Variants in SETX observed in about 807,000 individuals in gnomAD.
The protein encoded by SETX is senataxin.
SETX carries 90 observed loss-of-function variants against 227.2 expected under a neutral mutation model. The ratio of observed to expected loss-of-function variants is 0.40; its 90% confidence interval spans 0.33 to 0.47. SETX has a LOEUF of 0.47. SETX is among the 20% of genes least tolerant of loss of function. The pLI is 0.91. For synonymous variants in SETX, 1,210 were observed against 1,113.2 expected (o/e 1.09, Z -1.73); for missense variants, 3,052 against 3,181.5 (o/e 0.96, Z 0.98).
At chr9:132,311,269 A>AT (rs902719479) in intron 11 of SETX, among the ~76,000 whole-genome samples, 6 of 151,152 alleles carry the variant, frequency 4.0e-5, no homozygotes, top group African/African-American at 9.7e-5. Flanking sequence ...ACCCAGCCTC[A>AT]TTTTTTTTTA....
rs1267023329 is a variant in SETX at position 132,334,747 on chromosome 9, T to G, written c.719-20A>C. The G allele has an allele frequency of 1.2e-6, 2 of 1,613,444 alleles. No individual in the cohort carries two copies. The highest frequency in any genetic ancestry group is 2.7e-5 in the African/African-American group (2 of 75,054). On this transcript the variant is annotated intron_variant, in intron 6 of 25. Coordinates refer to ENST00000224140, the MANE Select transcript of SETX (RefSeq NM_015046.7). ...AAATACCTGTAAGATCATTTAGAGT[T>G]ATCTTGAATTGATGAAATAATACTA...
At chr9:132,334,750 C>T in intron 6 of SETX, 23 bp from the exon 7 acceptor site, 1 of 1,613,118 alleles carries the variant, frequency 6.2e-7, no homozygotes, top group African/African-American at 1.3e-5. Flanking sequence ...TTAGAGTTAT[C>T]TTGAATTGAT....
rs111548647 is a variant in SETX at position 132,306,290 on chromosome 9, G to A, written c.5374+5467C>T. On this transcript the variant is annotated intron_variant, in intron 11 of 25. Coordinates refer to ENST00000224140, the MANE Select transcript of SETX (RefSeq NM_015046.7). ...TGCAATGGCGCAATCTCGGTTCACT[G>A]CAACCTCTGCCTCTTGCGTTCAAGC... Among the ~76,000 whole-genome samples the A allele has an allele frequency of 2.8e-3, 427 of 152,242 alleles. 4 individuals carry two copies. The highest frequency in any genetic ancestry group is 0.01 in the African/African-American group (418 of 41,530).
upstream of SETX, among the ~76,000 whole-genome samples, chr9:132,356,614 T>TA (rs1231490134): frequency 2.6e-5 from 4 of 152,100 alleles, no homozygotes; most frequent in South Asian, 4.2e-4. Flanking sequence ...ACTCAGGCGA[T>TA]AAAAAAAGAG....
rs769964668 is a variant in SETX at position 132,326,891 on chromosome 9, A to G, written c.4707T>C (p.Ser1569=). 1.9e-5 allele frequency: 30 copies of G among 1,614,084 alleles called. No individual in the cohort carries two copies. The highest frequency in any genetic ancestry group is 1.8e-5 in the Non-Finnish European group (21 of 1,180,054). ...KNQGEYCPKH[S]EVKAADEDVF... ...CATCTTCATCTGCTGCTTTCACTTCAGAGTGTTTTGGGCAGTATTCACCCT... is the reference window on the plus strand; with the variant it reads ...CATCTTCATCTGCTGCTTTCACTTCGGAGTGTTTTGGGCAGTATTCACCCT... The change falls in exon 10 of 26, where the codon TCT becomes TCC. Residue 1569 remains serine (S), a synonymous_variant. Transcript: ENST00000224140.
At chr9:132,354,674 G>A (rs545876860) in intron 1 of SETX, among the ~76,000 whole-genome samples, 116 of 152,098 alleles carry the variant, frequency 7.6e-4, no homozygotes, top group Non-Finnish European at 2.8e-4. Flanking sequence ...GTAGACAACG[G>A]AAGGACAGGG....
intron 15 of SETX, among the ~76,000 whole-genome samples, chr9:132,293,962 T>C (rs1398383695): frequency 1.3e-5 from 2 of 152,056 alleles, no homozygotes; most frequent in African/African-American, 2.4e-5. Flanking sequence ...AGGCGGAGCT[T>C]GCAGTGAGCC....
chr9:132,344,825 A>G (rs1162752636), intron 4 of SETX, among the ~76,000 whole-genome samples: 1 of 150,572 alleles, frequency 6.6e-6, no homozygotes, highest in Admixed American at 6.7e-5. Flanking sequence ...CAGTGAGCCA[A>G]GATCCTGCCA....
chr9:132,309,155 A>G (rs910671576), intron 11 of SETX, among the ~76,000 whole-genome samples: 5 of 152,126 alleles, frequency 3.3e-5, no homozygotes, highest in Admixed American at 2.6e-4. Context: ...AGAACAAACA[A>G]AACAAAACAA....
chr9:132,306,703 T>TTTTA (rs1021703179), intron 11 of SETX, among the ~76,000 whole-genome samples: 47 of 152,230 alleles, frequency 3.1e-4, no homozygotes, highest in African/African-American at 8.4e-4. Flanking sequence ...GTTCTATCAG[T>TTTTA]TTTATTTATT....
chr9:132,293,811 A>G (rs576499393), intron 15 of SETX, among the ~76,000 whole-genome samples: 1 of 152,160 alleles, frequency 6.6e-6, no homozygotes, highest in Non-Finnish European at 1.5e-5. Flanking sequence ...TCACGAGGTC[A>G]GGAGATCGAG....
At chr9:132,342,191 T>C (rs1251499434) in intron 5 of SETX, among the ~76,000 whole-genome samples, 5 of 152,200 alleles carry the variant, frequency 3.3e-5, no homozygotes, top group Non-Finnish European at 7.3e-5. Context: ...ATCTCAAACC[T>C]TAGCCAAAGG....
chr9:132,300,834 T>A, intron 11 of SETX, 31 bp from the exon 12 acceptor site: 2 of 1,573,154 alleles, frequency 1.3e-6, no homozygotes, highest in Non-Finnish European at 1.7e-6. Context: ...GGAATTCATA[T>A]AACTCTAATA....
chr9:132,274,959 G>T, intron 23 of SETX: 1 of 393,320 alleles, frequency 2.5e-6, no homozygotes. Context: ...TTTTAGTCTT[G>T]CTAGAACAAG....
intron 10 of SETX, among the ~76,000 whole-genome samples, chr9:132,325,093 AC>A (rs1305946170): frequency 2.6e-5 from 4 of 152,246 alleles, no homozygotes; most frequent in Admixed American, 1.3e-4. Flanking sequence ...GCAGTGGCTC[AC>A]GCCTGTAATC....
chr9:132,351,484 C>T (rs1465730415), intron 2 of SETX, among the ~76,000 whole-genome samples: 3 of 152,080 alleles, frequency 2.0e-5, no homozygotes, highest in Non-Finnish European at 4.4e-5. Flanking sequence ...ATTTCCACAA[C>T]CAAAAAAGCA....
chr9:132,349,648 C>T (rs1469313187), intron 2 of SETX, among the ~76,000 whole-genome samples: 1 of 152,048 alleles, frequency 6.6e-6, no homozygotes, highest in African/African-American at 2.4e-5. Flanking sequence ...AAAATAAAAG[C>T]ATTGTATAAG....
In SETX at chr9:132,326,589, T is replaced by C. The variant is rs1243661710; in HGVS notation, c.5009A>G (p.Gln1670Arg). ...TTCACCAAATGGAACTTTGCAACCT[T>C]GCCTGTTGGAATTATTCGGAGACTG... ...HPQSPNNSNR[Q>R]GCKVPFGESK... Residue 1670 changes from glutamine (Q) to arginine (R), a missense_variant, in exon 10 of 26, where the codon CAA (glutamine) becomes CGA (arginine). By Grantham distance (43) the Gln-to-Arg change is conservative. Around this residue, in one of 10 missense-constraint regions of SETX, gnomAD observed 1,483 missense variants for 1,312.0 expected, o/e 1.13. Coordinates refer to ENST00000224140, the MANE Select transcript of SETX (RefSeq NM_015046.7). 1.2e-6 allele frequency: 2 copies of C among 1,614,090 alleles called. No individual in the cohort carries two copies. The highest frequency in any genetic ancestry group is 1.7e-6 in the Non-Finnish European group (2 of 1,180,046).
At position 132,329,140 on chromosome 9, in the gene SETX, T is replaced by G; in HGVS notation, c.2458A>C (p.Ile820Leu). Reference protein sequence around the residue: ...NLDENLTVSNIESFYSRKDTG... With the variant: ...NLDENLTVSNLESFYSRKDTG... ...TCTTTCCTTGAATAGAAACTCTCAA[T>G]GTTAGATACAGTCAAATTTTCATCT... Residue 820 changes from isoleucine to leucine, a missense_variant, in exon 10 of 26, where the codon ATT (isoleucine) becomes CTT (leucine). Around this residue, in one of 10 missense-constraint regions of SETX, gnomAD observed 1,483 missense variants for 1,312.0 expected, o/e 1.13. Transcript: ENST00000224140. The G allele has an allele frequency of 6.2e-7, 1 of 1,610,748 alleles. No homozygotes were observed. Among genetic ancestry groups the G allele is most frequent in the Non-Finnish European group, 8.5e-7 (1 of 1,179,476 alleles).
Sources: gnomAD v4.1 joint callset for allele counts (sites outside exome capture counted in the v4.1 genomes callset) on GRCh38, gnomAD v4.1.1 for gene constraint, gnomAD v4.1.1 regional missense constraint, MANE v1.5 for transcripts, NCBI Gene and HGNC (gene_info 2026-07-23, HGNC 2026-07-21) for gene names.